Variants in FNDC1 observed in about 807,000 individuals in gnomAD.
FNDC1 encodes fibronectin type III domain-containing protein 1.
Under a neutral mutation model 168.0 loss-of-function variants are expected in FNDC1, and 96 were observed. The ratio of observed to expected loss-of-function variants is 0.57; its 90% CI spans 0.48 to 0.68. FNDC1 has a LOEUF of 0.68. Ranked by LOEUF, FNDC1 falls within the 30% of genes least tolerant of loss-of-function variation. The pLI, the probability that FNDC1 is intolerant of heterozygous loss-of-function variation, is 0.00. For synonymous variants in FNDC1, 1,099 were observed against 1,025.9 expected, an observed-to-expected ratio of 1.07 and a Z score of -1.36; for missense variants, 2,587 against 2,482.1, an observed-to-expected ratio of 1.04 and a Z score of -0.90.
chr6:159,169,747 G>C lies in FNDC1; in HGVS notation c.109+42G>C, dbSNP rs193207381. On this transcript the variant is annotated intron_variant, in intron 1 of 22. Transcript: ENST00000297267. This position sits in a 1 kb window ranked among gnomAD's most constrained non-coding sequence, Gnocchi z 6.8. The stretch of plus-strand genomic sequence containing the variant: ...GGCCCCCGGCGCTCCTCAGCTCCCC[G>C]CGCACCCTCCTGCGCTCGGGCCCCG... The C allele has an allele frequency of 7.2e-6, 6 of 835,110 alleles. No individual in the cohort carries two copies. Among genetic ancestry groups the C allele is most frequent in the African/African-American group, 3.6e-5 (2 of 55,246 alleles). The allele number at this position is 835,110 out of a possible 1,614,324, so 51.7% of individuals were successfully genotyped here. A position where few individuals can be genotyped will look rare whatever the true frequency, so the allele number is the denominator to read the frequency against.
intron 1 of FNDC1, among the ~76,000 whole-genome samples, chr6:159,184,831 G>T (rs1021333991): frequency 6.6e-6 from 1 of 152,032 alleles, no homozygotes; most frequent in Non-Finnish European, 1.5e-5. Flanking sequence ...CTATTTCTTG[G>T]TTACAAATTG....
chr6:159,223,478 A>G, intron 6 of FNDC1, 50 bp from the exon 7 acceptor site: 4 of 1,226,052 alleles, frequency 3.3e-6, no homozygotes, highest in Non-Finnish European at 4.8e-6. Context: ...AGCTCAGGGC[A>G]GAACCTGTTG....
At chr6:159,185,411 G>A (rs1176066023) in intron 1 of FNDC1, among the ~76,000 whole-genome samples, 2 of 152,208 alleles carry the variant, frequency 1.3e-5, no homozygotes, top group Non-Finnish European at 2.9e-5. Flanking sequence ...AGTGATGTTA[G>A]GTAGCAGTGG....
At position 159,223,653 on chromosome 6, in the gene FNDC1, T is replaced by A; in HGVS notation, c.884+8T>A. On this transcript the variant is annotated splice_region_variant and intron_variant, in intron 7 of 22. Coordinates refer to ENST00000297267, the MANE Select transcript of FNDC1 (RefSeq NM_032532.3). ...GAAAGTTGTTGCATCAAGGTACTTTTGCTTATTTATTTGTCTTTATATATG... is the reference window on the plus strand; with the variant it reads ...GAAAGTTGTTGCATCAAGGTACTTTAGCTTATTTATTTGTCTTTATATATG... 1 of 1,568,794 alleles carries A rather than the reference T, an allele frequency of 6.4e-7. No individual in the cohort carries two copies. The highest frequency in any genetic ancestry group is 8.8e-7 in the Non-Finnish European group (1 of 1,140,404).
intron 9 of FNDC1, among the ~76,000 whole-genome samples, chr6:159,228,170 C>T (rs1007473568): frequency 3.9e-5 from 6 of 152,050 alleles, no homozygotes; most frequent in Admixed American, 2.6e-4. Flanking sequence ...AGTTCCTTGG[C>T]GAAAGAAGTT....
chr6:159,248,002 G>T (rs1204322330), intron 15 of FNDC1, among the ~76,000 whole-genome samples: 3 of 152,124 alleles, frequency 2.0e-5, no homozygotes, highest in African/African-American at 7.2e-5. Context: ...AGCTCTAATT[G>T]TCTTAAATCA....
chr6:159,193,055 C>A lies in FNDC1; in HGVS notation c.110-4376C>A, dbSNP rs746006957. Reference sequence around the variant, plus strand: ...GTCTGGGTCAACAACTAAAGGATTTCTTCTGGGGTCAAGGTAGAGGTCACT... The same window carrying A: ...GTCTGGGTCAACAACTAAAGGATTTATTCTGGGGTCAAGGTAGAGGTCACT... On this transcript the variant is annotated intron_variant, in intron 1 of 22. Transcript: ENST00000297267. Among the ~76,000 whole-genome samples the A allele has an allele frequency of 2.0e-5, 3 of 152,126 alleles. No homozygotes were observed. The South Asian group carries it at 6.2e-4, about 32-fold the overall frequency.
intron 2 of FNDC1, 41 bp downstream of exon 2, chr6:159,197,666 G>C: frequency 6.5e-7 from 1 of 1,538,526 alleles, no homozygotes; most frequent in South Asian, 1.2e-5. Context: ...AGAATTAACT[G>C]TGCACCAACA....
In FNDC1 at chr6:159,232,674, C is replaced by T. The variant is rs1783123474; in HGVS notation, c.2162C>T (p.Pro721Leu). ...TCAGCCCCACCCTCAAGACTTTCTC[C>T]ACCCCATGGGGGATCATCTCGGCTG... The part of the protein sequence containing the change: ...SASAPPSRLS[P>L]PHGGSSRLLP... The change falls in exon 11 of 23, where the codon CCA becomes CTA. Residue 721 changes from proline to leucine, a missense_variant. Transcript: ENST00000297267. The surrounding 1 kb of genome is among the most constrained non-coding windows in gnomAD (Gnocchi z 4.9). The T allele has an allele frequency of 6.2e-7, 1 of 1,613,780 alleles. No homozygotes were observed. Among genetic ancestry groups the T allele is most frequent in the South Asian group, 1.1e-5 (1 of 91,026 alleles).
intron 1 of FNDC1, among the ~76,000 whole-genome samples, chr6:159,174,290 G>A (rs1274320506): frequency 6.6e-6 from 1 of 152,244 alleles, no homozygotes; most frequent in African/African-American, 2.4e-5. Context: ...GTAGATGTAT[G>A]TTAGAACATT....
Position 159,225,624 on chromosome 6 carries a change from T to A in FNDC1, c.974T>A (p.Leu325Gln). Residue 325 changes from leucine to glutamine, a missense_variant, in exon 8 of 23, where the codon CTG becomes CAG. Physicochemically the swap from Leu to Gln is moderately radical, Grantham distance 113. Coordinates refer to ENST00000297267, the MANE Select transcript of FNDC1 (RefSeq NM_032532.3). ...AACAGGCGTGTGCTGATTGAGAACC[T>A]GATTCCAGACACTGTGTATGAATTT... ...IANRRVLIENLIPDTVYEFAV... is the reference protein window; with the variant it reads ...IANRRVLIENQIPDTVYEFAV... 6.2e-7 allele frequency: 1 copy of A among 1,613,976 alleles called. No individual in the cohort carries two copies. The highest frequency in any genetic ancestry group is 8.5e-7 in the Non-Finnish European group (1 of 1,179,870).
intron 9 of FNDC1, among the ~76,000 whole-genome samples, chr6:159,228,459 C>G (rs897998177): frequency 6.6e-6 from 1 of 152,014 alleles, no homozygotes; most frequent in Non-Finnish European, 1.5e-5. Context: ...TTTTGACCAC[C>G]ACAAATGACA....
intron 1 of FNDC1, among the ~76,000 whole-genome samples, chr6:159,178,162 A>T (rs556400760): frequency 1.3e-5 from 2 of 152,302 alleles, no homozygotes; most frequent in Admixed American, 1.3e-4. Flanking sequence ...TGACAACCTG[A>T]CGTCTGCCCA....
At chr6:159,269,493 T>TG (rs1425929402) in intron 22 of FNDC1, among the ~76,000 whole-genome samples, 373 of 140,220 alleles carry the variant, frequency 2.7e-3, no homozygotes, top group African/African-American at 0.01. Context: ...TATCTATCTA[T>TG]CTATCTATCC....
chr6:159,184,541 C>G (rs965251055), intron 1 of FNDC1, among the ~76,000 whole-genome samples: 2 of 152,192 alleles, frequency 1.3e-5, no homozygotes, highest in Admixed American at 6.5e-5. Flanking sequence ...GTAGCTGGCT[C>G]TTGGTCATGT....
rs1439876281 is a variant in FNDC1 at position 159,232,363 on chromosome 6, G to C, written c.1851G>C (p.Ser617=). 1.2e-6 allele frequency: 2 copies of C among 1,613,518 alleles called. No individual in the cohort carries two copies. Among genetic ancestry groups the C allele is most frequent in the Admixed American group, 3.3e-5 (2 of 60,008 alleles). The stretch of plus-strand genomic sequence containing the variant: ...GCCCAGGGGCGCCCCCCTCGGCTTC[G>C]GCCTCTCCTGCCCACCACGCGTCCA... ...QPRPGAPPSA[S]ASPAHHASTQ... Residue 617 remains serine (S), a synonymous_variant, in exon 11 of 23, where the codon TCG becomes TCC. Coordinates refer to ENST00000297267, the MANE Select transcript of FNDC1 (RefSeq NM_032532.3). This position sits in a 1 kb window ranked among gnomAD's most constrained non-coding sequence, Gnocchi z 4.9.
intron 1 of FNDC1, among the ~76,000 whole-genome samples, chr6:159,193,814 G>C (rs1782187309): frequency 6.6e-6 from 1 of 152,214 alleles, no homozygotes; most frequent in East Asian, 1.9e-4. Context: ...CTAGACCAAA[G>C]TAAGAAATCT....
intron 6 of FNDC1, among the ~76,000 whole-genome samples, chr6:159,222,777 T>C (rs889610610): frequency 2.0e-5 from 3 of 152,206 alleles, no homozygotes; most frequent in African/African-American, 7.2e-5. Flanking sequence ...AATTTTCATT[T>C]CATGCCATGA....
intron 1 of FNDC1, among the ~76,000 whole-genome samples, chr6:159,171,121 T>C (rs1311579561): frequency 1.6e-4 from 15 of 93,310 alleles, no homozygotes; most frequent in Admixed American, 4.8e-4. Context: ...TTGTGAGAGC[T>C]CCTGGAATCC....
Sources: gnomAD v4.1 joint callset for allele counts (sites outside exome capture counted in the v4.1 genomes callset) on GRCh38, gnomAD v4.1.1 for gene constraint, Gnocchi (gnomAD v3.1) non-coding constraint, MANE v1.5 for transcripts, NCBI Gene and HGNC (gene_info 2026-07-23, HGNC 2026-07-21) for gene names.